The following SLC4A4 variants were observed in gnomAD, a reference collection of about 807,000 sequenced individuals.
The protein encoded by SLC4A4 is electrogenic sodium bicarbonate cotransporter 1.
In SLC4A4, 27 loss-of-function variants were observed where a neutral mutation model predicts 111.5. The ratio of observed to expected loss-of-function variants is 0.24; its 90% CI spans 0.18 to 0.33. SLC4A4 has a LOEUF of 0.33. SLC4A4 is among the 10% of genes least tolerant of loss of function. SLC4A4 has a pLI of 1.00. For missense variants in SLC4A4, 909 were observed against 1,315.5 expected (o/e 0.69, Z 4.78); for synonymous variants, 443 against 463.4 (o/e 0.96, Z 0.57).
chr4:71,277,034 A>T (rs1379001732), intron 3 of SLC4A4, among the ~76,000 whole-genome samples: 1 of 152,090 alleles, frequency 6.6e-6, no homozygotes, highest in African/African-American at 2.4e-5. Flanking sequence ...ACAGAATGAG[A>T]CCCTGTCTCA....
At chr4:71,261,258 A>G (rs1232228962) in intron 3 of SLC4A4, among the ~76,000 whole-genome samples, 1 of 152,210 alleles carries the variant, frequency 6.6e-6, no homozygotes, top group Non-Finnish European at 1.5e-5. Flanking sequence ...TTTGTGGAAT[A>G]CTGCCACCAG....
chr4:71,146,060 T>C (rs1468924965), intron 2 of SLC4A4, among the ~76,000 whole-genome samples: 1 of 152,248 alleles, frequency 6.6e-6, no homozygotes, highest in Non-Finnish European at 1.5e-5. Context: ...TTTTAGATCT[T>C]TCCTGCTTTC....
At chr4:71,563,145 C>A (rs1319621705) in intron 23 of SLC4A4, among the ~76,000 whole-genome samples, 1 of 151,752 alleles carries the variant, frequency 6.6e-6, no homozygotes, top group African/African-American at 2.4e-5. Flanking sequence ...CATTATGATT[C>A]TCTGCTTATC....
intron 7 of SLC4A4, among the ~76,000 whole-genome samples, chr4:71,419,428 G>T (rs539037205): frequency 1.3e-5 from 2 of 152,208 alleles, no homozygotes; most frequent in Non-Finnish European, 2.9e-5. Context: ...CCTCACTGCC[G>T]CCTTGCAGTT....
chr4:71,561,410 C>A (rs956681522), intron 23 of SLC4A4, among the ~76,000 whole-genome samples: 2 of 151,730 alleles, frequency 1.3e-5, no homozygotes, highest in Non-Finnish European at 2.9e-5. Flanking sequence ...TGTACACAGC[C>A]ATAGTGGCAA....
At chr4:71,385,083 C>T (rs1718555128) in intron 6 of SLC4A4, among the ~76,000 whole-genome samples, 4 of 148,840 alleles carry the variant, frequency 2.7e-5, no homozygotes. Flanking sequence ...GTTAGCATCC[C>T]TACTCTTTGC....
intron 2 of SLC4A4, among the ~76,000 whole-genome samples, chr4:71,156,579 C>T (rs1026362780): frequency 9.7e-6 from 1 of 103,102 alleles, no homozygotes; most frequent in Non-Finnish European, 1.8e-5. Context: ...CGCATGCGCG[C>T]GCGCGCGCGC....
At chr4:71,260,505 C>T (rs996560359) in intron 3 of SLC4A4, among the ~76,000 whole-genome samples, 11 of 152,162 alleles carry the variant, frequency 7.2e-5, no homozygotes, top group African/African-American at 2.7e-4. Context: ...AAACAAAACA[C>T]AAACACAATA....
intron 1 of SLC4A4, among the ~76,000 whole-genome samples, chr4:71,072,864 C>A (rs186221765): frequency 6.6e-6 from 1 of 152,084 alleles, no homozygotes; most frequent in African/African-American, 2.4e-5. Flanking sequence ...GCCTCTTGGG[C>A]TTAAGCGATC....
intron 2 of SLC4A4, among the ~76,000 whole-genome samples, chr4:71,126,225 A>T (rs1238517256): frequency 6.6e-6 from 1 of 152,202 alleles, no homozygotes; most frequent in Non-Finnish European, 1.5e-5. Flanking sequence ...TTATCATGCA[A>T]GACTAACTTT....
At chr4:71,198,646 A>C (rs1234931567) in intron 1 of SLC4A4, among the ~76,000 whole-genome samples, 1 of 152,224 alleles carries the variant, frequency 6.6e-6, no homozygotes. Context: ...AAATCCAAGA[A>C]TATCAGAACT....
Position 71,472,922 on chromosome 4 carries a change from G to A in SLC4A4, c.1855G>A (p.Val619Met), listed in dbSNP as rs528614232. ...DYYPINSNFK[V>M]GYNTLFSCTC... ...CTACCCCATCAACTCCAACTTCAAA[G>A]TGGGCTACAACACTCTCTTTTCCTG... The change falls in exon 14 of 26, where the codon GTG becomes ATG. Residue 619 changes from valine to methionine, a missense_variant. Val to Met is a conservative substitution (Grantham distance 21, BLOSUM62 1). Around this residue, in one of 7 missense-constraint regions of SLC4A4, gnomAD observed 264 missense variants for 356.8 expected, o/e 0.74. Transcript: ENST00000264485. 1 of 1,612,882 alleles carries A rather than the reference G, an allele frequency of 6.2e-7. No individual in the cohort carries two copies. The highest frequency in any genetic ancestry group is 8.5e-7 in the Non-Finnish European group (1 of 1,179,380).
intron 1 of SLC4A4, among the ~76,000 whole-genome samples, chr4:71,235,157 A>C (rs1022751425): frequency 1.3e-5 from 2 of 152,178 alleles, no homozygotes; most frequent in Non-Finnish European, 2.9e-5. Flanking sequence ...CTGAGACTTA[A>C]AAAAGCTAAA....
chr4:71,357,214 C>G, intron 6 of SLC4A4, 27 bp downstream of exon 6: 1 of 1,603,500 alleles, frequency 6.2e-7, no homozygotes, highest in Non-Finnish European at 8.5e-7. Context: ...CTGGCTGCTG[C>G]TTTCTCTTAC....
intron 3 of SLC4A4, among the ~76,000 whole-genome samples, chr4:71,294,971 T>G (rs765316724): frequency 2.6e-5 from 4 of 152,232 alleles, no homozygotes; most frequent in Admixed American, 2.6e-4. Flanking sequence ...TCATTGCTTT[T>G]CTGAGACTAG....
chr4:71,363,092 G>A (rs1293481522), intron 6 of SLC4A4, among the ~76,000 whole-genome samples: 1 of 152,112 alleles, frequency 6.6e-6, no homozygotes, highest in Non-Finnish European at 1.5e-5. Context: ...CTTCCTAGCT[G>A]TCTCCCATAT....
chr4:71,268,771 T>A (rs1451519405), intron 3 of SLC4A4, among the ~76,000 whole-genome samples: 2 of 152,224 alleles, frequency 1.3e-5, no homozygotes, highest in African/African-American at 4.8e-5. Flanking sequence ...CAAGTTGCAG[T>A]TTTCCATCAA....
At chr4:71,366,563 C>T (rs1731346042) in intron 6 of SLC4A4, among the ~76,000 whole-genome samples, 2 of 152,126 alleles carry the variant, frequency 1.3e-5, no homozygotes, top group South Asian at 4.1e-4. Context: ...TAATATAAAC[C>T]AATTTCTACC....
At chr4:71,516,897 C>T (rs1198812588) in intron 16 of SLC4A4, among the ~76,000 whole-genome samples, 2 of 152,150 alleles carry the variant, frequency 1.3e-5, no homozygotes, top group African/African-American at 2.4e-5. Flanking sequence ...CAGAATCCTT[C>T]TTCAGCTCTT....
Sources: allele counts gnomAD v4.1 joint callset (sites outside exome capture counted in the v4.1 genomes callset), GRCh38; gene constraint gnomAD v4.1.1; regional missense constraint gnomAD v4.1.1; transcripts MANE v1.5; gene names NCBI Gene and HGNC (gene_info 2026-07-23, HGNC 2026-07-21).